Variants in CACNG3 observed in about 807,000 individuals in gnomAD.
CACNG3 encodes voltage-dependent calcium channel gamma-3 subunit.
Under a neutral mutation model 28.5 loss-of-function variants are expected in CACNG3, and 3 were observed. The observed-to-expected ratio is 0.11, with a 90% CI of 0.05 to 0.27. The LOEUF is 0.27. CACNG3 is among the 10% of genes least tolerant of loss of function. The pLI, the probability that CACNG3 is intolerant of heterozygous loss-of-function variation, is 1.00. For missense variants in CACNG3, 236 were observed against 414.4 expected (o/e 0.57, Z 3.74); for synonymous variants, 174 against 162.2 (o/e 1.07, Z -0.55).
At chr16:24,357,997 T>A (rs912385758) in intron 3 of CACNG3, among the ~76,000 whole-genome samples, 3 of 151,628 alleles carry the variant, frequency 2.0e-5, no homozygotes, top group Admixed American at 1.3e-4. Flanking sequence ...AGGCTTGGGG[T>A]CTAATCCTAG....
chr16:24,312,955 G>GAAAGAGAA (rs376780380), intron 1 of CACNG3, among the ~76,000 whole-genome samples: 6,306 of 110,602 alleles, frequency 0.057, 253 homozygotes, highest in Admixed American at 0.12. Flanking sequence ...AAGAAAGAAA[G>GAAAGAGAA]AGAAAGAAAG....
chr16:24,258,330 C>G (rs916429197), intron 1 of CACNG3, among the ~76,000 whole-genome samples: 24 of 152,166 alleles, frequency 1.6e-4, no homozygotes, highest in Non-Finnish European at 2.4e-4. Flanking sequence ...AAATTTGCAA[C>G]TGGTGGGAAG....
At chr16:24,319,212 T>C (rs1899424850) in intron 1 of CACNG3, among the ~76,000 whole-genome samples, 3 of 152,176 alleles carry the variant, frequency 2.0e-5, no homozygotes, top group African/African-American at 4.8e-5. Flanking sequence ...GGAATAGGCA[T>C]TGCAATGGGA....
intron 1 of CACNG3, among the ~76,000 whole-genome samples, chr16:24,292,266 G>C (rs1209171571): frequency 1.3e-5 from 2 of 152,204 alleles, no homozygotes; most frequent in African/African-American, 4.8e-5. Flanking sequence ...AACAGAGTCA[G>C]CAGGAATCCC....
rs1900110238 is a variant in CACNG3 at position 24,362,098 on chromosome 16, G to A, written c.*235G>A. On this transcript the variant is annotated 3_prime_UTR_variant, in exon 4 of 4. Transcript: ENST00000005284. ...GTCATTCCTCTCTCTGTGTATCTGT[G>A]CCAGATGTTTTCCTTTCTTCCTTCT... 1 of 429,958 alleles carries A rather than the reference G, an allele frequency of 2.3e-6. No individual in the cohort carries two copies. Among genetic ancestry groups the A allele is most frequent in the Non-Finnish European group, 4.1e-6 (1 of 244,424 alleles). The allele number at this position is 429,958 out of a possible 1,614,324, so 26.6% of individuals were successfully genotyped here.
intron 1 of CACNG3, among the ~76,000 whole-genome samples, chr16:24,289,316 AG>A (rs1898935333): frequency 6.6e-6 from 1 of 151,932 alleles, no homozygotes; most frequent in South Asian, 2.1e-4. Flanking sequence ...AAAAAAAAAA[AG>A]AAAAAGAAAA....
intron 1 of CACNG3, among the ~76,000 whole-genome samples, chr16:24,302,848 C>T (rs767221446): frequency 2.6e-5 from 4 of 151,978 alleles, no homozygotes; most frequent in Admixed American, 6.6e-5. Flanking sequence ...TCAGTAGATG[C>T]GGAGTTTCAC....
intron 1 of CACNG3, among the ~76,000 whole-genome samples, chr16:24,284,869 A>G (rs1031712885): frequency 7.6e-5 from 11 of 144,926 alleles, no homozygotes; most frequent in African/African-American, 2.8e-4. Context: ...CTAGCTTGCC[A>G]TTTTGGTTCT....
intron 1 of CACNG3, among the ~76,000 whole-genome samples, chr16:24,306,855 C>T (rs1899191809): frequency 6.6e-6 from 1 of 152,120 alleles, no homozygotes; most frequent in African/African-American, 2.4e-5. Flanking sequence ...AGTTGACTGA[C>T]CCCCAGTCTC....
chr16:24,348,050 C>G lies in CACNG3; in HGVS notation c.295+1233C>G, dbSNP rs376188814. On this transcript the variant is annotated intron_variant, in intron 2 of 3. Transcript: ENST00000005284. ...TCCATTGGTCAAGGCACAGAGAGAACTTGATTTGGGATTTTAATGTAATTT... is the reference window on the plus strand; with the variant it reads ...TCCATTGGTCAAGGCACAGAGAGAAGTTGATTTGGGATTTTAATGTAATTT... Among the ~76,000 whole-genome samples the G allele has an allele frequency of 3.7e-4, 57 of 152,174 alleles. 2 individuals are homozygous for G. In the South Asian group the frequency reaches 0.011, roughly 29 times the overall value.
At chr16:24,346,611 GCCCAACAACCCTACAGCC>G in intron 1 of CACNG3, 105 bp from the exon 2 acceptor site, 1 of 667,896 alleles carries the variant, frequency 1.5e-6, no homozygotes, top group Non-Finnish European at 2.7e-6. Flanking sequence ...GGGCCTACCA[GCCCAACAACCCTACAGCC>G]CCCAACAACC....
chr16:24,335,935 C>A (rs373146692), intron 1 of CACNG3, among the ~76,000 whole-genome samples: 1,514 of 150,816 alleles, frequency 0.01, 35 homozygotes, highest in African/African-American at 0.036. Flanking sequence ...AAATAAAAAA[C>A]AAAAAAAAAA....
chr16:24,278,887 G>A (rs7197695), intron 1 of CACNG3, among the ~76,000 whole-genome samples: 63,967 of 152,044 alleles, frequency 0.42, 13,814 homozygotes, highest in East Asian at 0.58. Context: ...CTTGAATGGA[G>A]AAAAATCTTC....
chr16:24,316,496 G>A (rs1899354492), intron 1 of CACNG3, among the ~76,000 whole-genome samples: 1 of 152,166 alleles, frequency 6.6e-6, no homozygotes, highest in African/African-American at 2.4e-5. Flanking sequence ...CTGCGGGAAG[G>A]ACATGGCCTG....
At chr16:24,339,719 A>C (rs1006705901) in intron 1 of CACNG3, among the ~76,000 whole-genome samples, 3 of 152,006 alleles carry the variant, frequency 2.0e-5, no homozygotes, top group African/African-American at 7.3e-5. Flanking sequence ...TAATTCTATC[A>C]CCTGGAAAAA....
intron 1 of CACNG3, among the ~76,000 whole-genome samples, chr16:24,335,120 C>T (rs1274379309): frequency 6.6e-6 from 1 of 152,178 alleles, no homozygotes; most frequent in Non-Finnish European, 1.5e-5. Context: ...GCTTCCCCTT[C>T]TATAAAAGTA....
intron 1 of CACNG3, among the ~76,000 whole-genome samples, chr16:24,259,129 A>T (rs772790309): frequency 1.3e-5 from 2 of 152,236 alleles, no homozygotes; most frequent in Non-Finnish European, 2.9e-5. Flanking sequence ...CTATTGAGAA[A>T]ATGTGTTGCA....
At chr16:24,299,787 T>C (rs1434619547) in intron 1 of CACNG3, among the ~76,000 whole-genome samples, 1 of 152,170 alleles carries the variant, frequency 6.6e-6, no homozygotes, top group Non-Finnish European at 1.5e-5. Context: ...AAGATAGCCA[T>C]ATTTGAAAGG....
At chr16:24,352,641 T>C (rs1899968021) in intron 2 of CACNG3, among the ~76,000 whole-genome samples, 1 of 151,908 alleles carries the variant, frequency 6.6e-6, no homozygotes, top group South Asian at 2.1e-4. Context: ...TGGGCTTAAG[T>C]GATCCTCCTA....
Sources: gnomAD v4.1 joint callset for allele counts (sites outside exome capture counted in the v4.1 genomes callset) on GRCh38, gnomAD v4.1.1 for gene constraint, MANE v1.5 for transcripts, NCBI Gene and HGNC (gene_info 2026-07-23, HGNC 2026-07-21) for gene names.